Variants in GRHL2 observed in about 807,000 individuals in gnomAD.
GRHL2 encodes the protein grainyhead-like protein 2 homolog.
GRHL2 carries 21 observed loss-of-function variants against 83.8 expected under a neutral mutation model. That is an observed-to-expected ratio of 0.25 (90% confidence interval 0.18 to 0.36). The LOEUF is 0.36. GRHL2 is among the 10% of genes least tolerant of loss of function. The pLI, the probability that GRHL2 is intolerant of heterozygous loss-of-function variation, is 1.00. For synonymous variants in GRHL2, 280 were observed against 278.9 expected (o/e 1.00, Z -0.04); for missense variants, 623 against 781.8 (o/e 0.80, Z 2.42).
chr8:101,649,402 C>A lies in GRHL2; in HGVS notation c.1613-12C>A. 2.5e-6 allele frequency: 4 copies of A among 1,610,844 alleles called. No individual in the cohort carries two copies. Among genetic ancestry groups the A allele is most frequent in the Non-Finnish European group, 3.4e-6 (4 of 1,177,146 alleles). ...CCCTCGGTCACGTGGCTCTCTTGCC[C>A]ATCTCTTCCAGTGCTCTTGTACGTG... On this transcript the variant is annotated splice_polypyrimidine_tract_variant and intron_variant, in intron 13 of 15. Coordinates refer to ENST00000646743, the MANE Select transcript of GRHL2 (RefSeq NM_024915.4).
intron 11 of GRHL2, among the ~76,000 whole-genome samples, chr8:101,632,880 T>C (rs1179663540): frequency 1.3e-5 from 2 of 152,226 alleles, no homozygotes; most frequent in African/African-American, 2.4e-5. Flanking sequence ...CTTAAAAAAA[T>C]TCCTGTCTTC....
intron 4 of GRHL2, among the ~76,000 whole-genome samples, chr8:101,560,221 G>T (rs1445835264): frequency 1.3e-5 from 2 of 151,708 alleles, no homozygotes; most frequent in African/African-American, 4.8e-5. Context: ...GTAGAGACAG[G>T]GTTTCACCAT....
downstream of GRHL2, among the ~76,000 whole-genome samples, chr8:101,672,762 A>G (rs981596474): frequency 6.6e-6 from 1 of 151,602 alleles, no homozygotes; most frequent in African/African-American, 2.4e-5. Flanking sequence ...CAGATTCACC[A>G]AAGTTGAAAT....
intron 8 of GRHL2, among the ~76,000 whole-genome samples, chr8:101,618,385 A>C (rs545344887): frequency 2.5e-4 from 38 of 152,192 alleles, no homozygotes; most frequent in Non-Finnish European, 5.0e-4. Flanking sequence ...ATATCTCTTG[A>C]TGCGCTGTGC....
At chr8:101,589,397 C>T (rs932707745) in intron 7 of GRHL2, among the ~76,000 whole-genome samples, 14 of 152,126 alleles carry the variant, frequency 9.2e-5, no homozygotes, top group Non-Finnish European at 1.5e-4. Context: ...CACGGGCACG[C>T]GTGCATGTGT....
intron 2 of GRHL2, among the ~76,000 whole-genome samples, chr8:101,548,342 T>C (rs181889687): frequency 6.6e-6 from 1 of 152,268 alleles, no homozygotes; most frequent in East Asian, 1.9e-4. Context: ...CCTATAACCA[T>C]GGTTTATGGA....
the GRHL2 span, among the ~76,000 whole-genome samples, chr8:101,677,083 A>G: frequency 5.3e-5 from 8 of 152,146 alleles, no homozygotes; most frequent in East Asian, 1.9e-4. Context: ...AGGGGGGGAT[A>G]GATAGCATTA....
In GRHL2 at chr8:101,492,696, G is replaced by C; in HGVS notation, c.-74G>C. The C allele has an allele frequency of 7.4e-7, 1 of 1,359,212 alleles. No homozygotes were observed. Among genetic ancestry groups the C allele is most frequent in the South Asian group, 1.2e-5 (1 of 86,288 alleles). The allele number at this position is 1,359,212 out of a possible 1,614,324, so 84.2% of individuals were successfully genotyped here. A position where few individuals can be genotyped will look rare whatever the true frequency, so the allele number is the denominator to read the frequency against. ...CGGGCGCTCTCACACACCTTCACCT[G>C]CACAGACTTGAAAGTCCAGTTTCAC... On this transcript the variant is annotated 5_prime_UTR_variant, in exon 1 of 16. Coordinates refer to ENST00000646743, the MANE Select transcript of GRHL2 (RefSeq NM_024915.4).
intron 2 of GRHL2, among the ~76,000 whole-genome samples, chr8:101,551,627 GA>G (rs1811382056): frequency 6.7e-6 from 1 of 148,938 alleles, no homozygotes; most frequent in Non-Finnish European, 1.5e-5. Flanking sequence ...CAAAAAAAAA[GA>G]AAGAAAGAAA....
At chr8:101,680,466 C>T in the GRHL2 span, among the ~76,000 whole-genome samples, 2 of 144,870 alleles carry the variant, frequency 1.4e-5, no homozygotes, top group Admixed American at 1.4e-4. Context: ...GACTCCCACA[C>T]ATTAATAATG....
chr8:101,616,710 T>G (rs1479531083), intron 8 of GRHL2, among the ~76,000 whole-genome samples: 1 of 152,138 alleles, frequency 6.6e-6, no homozygotes, highest in Non-Finnish European at 1.5e-5. Context: ...AGGACCACCC[T>G]GTGTTGGTCA....
chr8:101,558,352 T>C (rs1490580114), intron 3 of GRHL2, 67 bp from the exon 4 acceptor site: 2 of 1,564,294 alleles, frequency 1.3e-6, no homozygotes, highest in East Asian at 4.5e-5. Context: ...CATTGGTTAT[T>C]CTATTAGGCG....
intron 1 of GRHL2, among the ~76,000 whole-genome samples, chr8:101,497,738 A>G (rs1384864593): frequency 1.3e-5 from 2 of 152,188 alleles, no homozygotes; most frequent in Non-Finnish European, 2.9e-5. Context: ...TTCAAATTAA[A>G]CTTAATGTTA....
chr8:101,593,452 A>G (rs528610810), intron 7 of GRHL2, among the ~76,000 whole-genome samples: 2 of 152,160 alleles, frequency 1.3e-5, no homozygotes, highest in Admixed American at 6.5e-5. Context: ...TTGAAATTCA[A>G]TATGTTCACA....
chr8:101,521,544 G>A (rs1176897872), intron 1 of GRHL2, among the ~76,000 whole-genome samples: 1 of 152,134 alleles, frequency 6.6e-6, no homozygotes, highest in Non-Finnish European at 1.5e-5. Context: ...TTCTGTCAGA[G>A]CTTCACCAGG....
intron 4 of GRHL2, among the ~76,000 whole-genome samples, chr8:101,568,219 T>C (rs909811769): frequency 6.6e-6 from 1 of 152,384 alleles, no homozygotes; most frequent in South Asian, 2.1e-4. Flanking sequence ...TAAATTTAAA[T>C]AGCACATGGA....
chr8:101,493,412 AC>A (rs1810012121), intron 1 of GRHL2, among the ~76,000 whole-genome samples: 1 of 151,350 alleles, frequency 6.6e-6, no homozygotes, highest in Admixed American at 6.6e-5. Context: ...CACTCCCTCG[AC>A]ATCCCGCCTT....
chr8:101,596,154 TAAAAC>T (rs1230624735), intron 7 of GRHL2, among the ~76,000 whole-genome samples: 3 of 151,264 alleles, frequency 2.0e-5, no homozygotes, highest in Non-Finnish European at 2.9e-5. Flanking sequence ...AATAAATAAA[TAAAAC>T]AGAGAAAAAA....
At chr8:101,637,147 T>A (rs1813304657) in intron 12 of GRHL2, among the ~76,000 whole-genome samples, 1 of 152,146 alleles carries the variant, frequency 6.6e-6, no homozygotes, top group African/African-American at 2.4e-5. Flanking sequence ...CCCCACCCGC[T>A]TCCTCCCTAA....
Sources: allele counts gnomAD v4.1 joint callset (sites outside exome capture counted in the v4.1 genomes callset), GRCh38; gene constraint gnomAD v4.1.1; transcripts MANE v1.5; gene names NCBI Gene and HGNC (gene_info 2026-07-23, HGNC 2026-07-21).